The following NKAIN2 variants were observed in gnomAD, a reference collection of about 807,000 sequenced individuals.
The protein encoded by NKAIN2 is sodium/potassium-transporting ATPase subunit beta-1-interacting protein 2.
Under a neutral mutation model 32.6 loss-of-function variants are expected in NKAIN2, and 14 were observed. The observed-to-expected ratio is 0.43, with a 90% CI of 0.28 to 0.67. The LOEUF (loss-of-function observed/expected upper bound fraction) is 0.67. Among genes scored for constraint, NKAIN2 ranks in the 30% least tolerant of loss-of-function variants. NKAIN2 has a pLI of 0.17. For missense variants in NKAIN2, 198 were observed against 258.3 expected, an observed-to-expected ratio of 0.77 and a Z score of 1.60; for synonymous variants, 80 against 87.2, an observed-to-expected ratio of 0.92 and a Z score of 0.46.
rs1554222371 is a variant in NKAIN2, at chr6:123,911,809, A to ATATATGTATATATATATATATG, written c.54+107559_54+107560insTGTATATATATATATATGTATA. Among the ~76,000 whole-genome samples, 80 of 101,956 alleles carry ATATATGTATATATATATATATG rather than the reference A, an allele frequency of 7.8e-4. 2 individuals carry two copies. Among genetic ancestry groups the ATATATGTATATATATATATATG allele is most frequent in the East Asian group, 1.3e-3 (5 of 3,948 alleles). 66.9% of individuals were successfully genotyped at this position (101,956 alleles called of 152,430 possible). A position where few individuals can be genotyped will look rare whatever the true frequency, so the allele number is the denominator to read the frequency against. On this transcript the variant is annotated intron_variant, in intron 1 of 6. Transcript: ENST00000368417. ...TATATATATATATATATGTATATATATATACACACACACACACACACACAC... is the reference window on the plus strand; with the variant it reads ...TATATATATATATATATGTATATATATATATGTATATATATATATATGTATACACACACACACACACACACAC...
chr6:123,959,506 T>C (rs1025800426), intron 1 of NKAIN2, among the ~76,000 whole-genome samples: 3 of 152,218 alleles, frequency 2.0e-5, no homozygotes, highest in Non-Finnish European at 4.4e-5. Context: ...AACAATTCTT[T>C]ATGTGTCCTT....
intron 2 of NKAIN2, among the ~76,000 whole-genome samples, chr6:124,315,662 C>T (rs1266998706): frequency 6.6e-6 from 1 of 152,104 alleles, no homozygotes; most frequent in African/African-American, 2.4e-5. Context: ...ATAAATTACA[C>T]TGCACTGGCA....
intron 2 of NKAIN2, among the ~76,000 whole-genome samples, chr6:124,320,662 G>A (rs1419251393): frequency 6.6e-6 from 1 of 152,196 alleles, no homozygotes; most frequent in Admixed American, 6.5e-5. Flanking sequence ...ATAAATGTTT[G>A]TTATGAGAAT....
chr6:124,609,000 G>A (rs76730559), intron 3 of NKAIN2, among the ~76,000 whole-genome samples: 1,716 of 152,270 alleles, frequency 0.011, 16 homozygotes, highest in African/African-American at 0.012. Flanking sequence ...CTTATTTGTT[G>A]CGGTTTGTTT....
At chr6:124,443,382 A>G in intron 3 of NKAIN2, among the ~76,000 whole-genome samples, 1 of 152,150 alleles carries the variant, frequency 6.6e-6, no homozygotes, top group East Asian at 1.9e-4. Context: ...AAAATAATTA[A>G]CAGTATATTG....
Position 124,823,425 on chromosome 6 carries a change from T to C in NKAIN2, c.*196T>C. ...GTGAGCACGCACACACCAATTCCACTTGACCTCCTCTTTCTAACTGAAACA... is the reference window on the plus strand; with the variant it reads ...GTGAGCACGCACACACCAATTCCACCTGACCTCCTCTTTCTAACTGAAACA... On this transcript the variant is annotated 3_prime_UTR_variant, in exon 7 of 7. Transcript: ENST00000368417. 1.9e-6 allele frequency: 1 copy of C among 532,036 alleles called. No homozygotes were observed. The highest frequency in any genetic ancestry group is 3.0e-5 in the South Asian group (1 of 33,782). 33.0% of individuals were successfully genotyped at this position (532,036 alleles called of 1,614,324 possible).
intron 2 of NKAIN2, among the ~76,000 whole-genome samples, chr6:124,333,431 G>C (rs115804064): frequency 0.013 from 1,941 of 151,692 alleles, 40 homozygotes; most frequent in African/African-American, 0.044. Flanking sequence ...AAGCCAAAGC[G>C]GGGGGATCAC....
At chr6:124,015,252 C>T (rs1780512190) in intron 1 of NKAIN2, among the ~76,000 whole-genome samples, 1 of 152,134 alleles carries the variant, frequency 6.6e-6, no homozygotes, top group South Asian at 2.1e-4. Context: ...ATAAGCCAAC[C>T]ATTATTAATC....
At chr6:124,235,748 G>C (rs1414170399) in intron 1 of NKAIN2, among the ~76,000 whole-genome samples, 1 of 151,524 alleles carries the variant, frequency 6.6e-6, no homozygotes, top group African/African-American at 2.4e-5. Context: ...ACAGGCACCC[G>C]TGACCACTCC....
intron 1 of NKAIN2, among the ~76,000 whole-genome samples, chr6:124,050,475 A>G (rs568852059): frequency 7.2e-5 from 11 of 152,128 alleles, no homozygotes; most frequent in African/African-American, 2.6e-4. Flanking sequence ...TAATATATTC[A>G]CTACATTACT....
At chr6:124,389,521 T>C (rs142160906) in intron 3 of NKAIN2, among the ~76,000 whole-genome samples, 1 of 152,228 alleles carries the variant, frequency 6.6e-6, no homozygotes, top group Non-Finnish European at 1.5e-5. Context: ...GGAGGGACAT[T>C]GCAATGTTAG....
At chr6:124,481,523 T>C (rs987193326) in intron 3 of NKAIN2, among the ~76,000 whole-genome samples, 41 of 152,312 alleles carry the variant, frequency 2.7e-4, no homozygotes, top group African/African-American at 9.6e-4. Context: ...GTATTACCAT[T>C]CTCTGCCTGC....
intron 4 of NKAIN2, among the ~76,000 whole-genome samples, chr6:124,690,327 A>C (rs549655038): frequency 3.9e-5 from 6 of 152,248 alleles, no homozygotes; most frequent in African/African-American, 1.4e-4. Context: ...AATTGCTATG[A>C]GTTCCCAAAG....
At chr6:124,544,830 C>T (rs1780036593) in intron 3 of NKAIN2, among the ~76,000 whole-genome samples, 1 of 152,116 alleles carries the variant, frequency 6.6e-6, no homozygotes, top group Admixed American at 6.6e-5. Flanking sequence ...ATAGACCTAA[C>T]TTTTTAAAAA....
At chr6:124,681,047 G>T (rs1381250244) in intron 4 of NKAIN2, among the ~76,000 whole-genome samples, 1 of 151,732 alleles carries the variant, frequency 6.6e-6, no homozygotes, top group African/African-American at 2.4e-5. Flanking sequence ...ACTGAGAACA[G>T]TCCATAGAGA....
At chr6:124,350,311 C>G (rs540692269) in intron 2 of NKAIN2, among the ~76,000 whole-genome samples, 1 of 151,348 alleles carries the variant, frequency 6.6e-6, no homozygotes, top group East Asian at 1.9e-4. Context: ...AATCATAGGC[C>G]GAATTACAAG....
intron 1 of NKAIN2, among the ~76,000 whole-genome samples, chr6:124,238,144 G>T (rs959573695): frequency 8.6e-5 from 13 of 151,938 alleles, no homozygotes; most frequent in African/African-American, 2.4e-4. Context: ...TGACATCTGA[G>T]GGGGTAGATG....
At chr6:123,941,807 G>A (rs1007383637) in intron 1 of NKAIN2, among the ~76,000 whole-genome samples, 16 of 151,948 alleles carry the variant, frequency 1.1e-4, no homozygotes, top group African/African-American at 3.4e-4. Context: ...TATCTATGGC[G>A]TCAATTCTTC....
intron 2 of NKAIN2, among the ~76,000 whole-genome samples, chr6:124,285,978 C>A (rs1045528397): frequency 2.0e-5 from 3 of 151,936 alleles, no homozygotes; most frequent in African/African-American, 7.3e-5. Flanking sequence ...GCAATGTAGA[C>A]CTTTATAATT....
Sources: gnomAD v4.1 joint callset for allele counts (sites outside exome capture counted in the v4.1 genomes callset) on GRCh38, gnomAD v4.1.1 for gene constraint, MANE v1.5 for transcripts, NCBI Gene and HGNC (gene_info 2026-07-23, HGNC 2026-07-21) for gene names.